Variants in TMEM132C observed in about 807,000 individuals in gnomAD.
TMEM132C encodes the protein transmembrane protein 132C, also known as protein phosphatase 1, regulatory subunit 152.
Under a neutral mutation model 61.4 loss-of-function variants are expected in TMEM132C, and 29 were observed. The observed-to-expected ratio is 0.47, with a 90% confidence interval of 0.35 to 0.64. TMEM132C has a LOEUF of 0.64. Among genes scored for constraint, TMEM132C ranks in the 30% least tolerant of loss-of-function variants. The pLI is 0.00. For synonymous variants in TMEM132C, 656 were observed against 633.1 expected, an observed-to-expected ratio of 1.04 and a Z score of -0.54; for missense variants, 1,408 against 1,476.9, an observed-to-expected ratio of 0.95 and a Z score of 0.76.
intron 2 of TMEM132C, among the ~76,000 whole-genome samples, chr12:128,515,689 G>T (rs944962129): frequency 3.9e-5 from 6 of 152,154 alleles, no homozygotes; most frequent in African/African-American, 1.4e-4. Flanking sequence ...AAAAAAATTA[G>T]CTGGGCATGG....
rs540468968 is a variant in TMEM132C at position 128,415,375 on chromosome 12, G to C, written c.729G>C (p.Gly243=). The change falls in exon 2 of 9, where the codon GGG becomes GGC. Residue 243 remains glycine, a synonymous_variant. Coordinates refer to ENST00000435159, the MANE Select transcript of TMEM132C (RefSeq NM_001136103.3). This position sits in a 1 kb window ranked among gnomAD's most constrained non-coding sequence, Gnocchi z 5.8. ...HPGNERGDCA[G]GDFRKGNAIR... is the part of the protein sequence containing the mutation. ...GAAACGAGCGAGGGGACTGTGCCGG[G>C]GGTGACTTCAGGAAGGGCAACGCCA... 4.7e-5 allele frequency: 73 copies of C among 1,554,640 alleles called. No individual in the cohort carries two copies. The highest frequency in any genetic ancestry group is 1.7e-4 in the Middle Eastern group (1 of 5,986).
At chr12:128,313,089 C>T (rs115537214) in intron 1 of TMEM132C, among the ~76,000 whole-genome samples, 50 of 152,334 alleles carry the variant, frequency 3.3e-4, no homozygotes, top group African/African-American at 1.2e-3. Context: ...CTCTGGCAGC[C>T]TCCGGCCTGC....
rs1872511803 is a variant in TMEM132C, at chr12:128,326,237, T to C, written c.85+58750T>C. On this transcript the variant is annotated intron_variant, in intron 1 of 8. Coordinates refer to ENST00000435159, the MANE Select transcript of TMEM132C (RefSeq NM_001136103.3). This position sits in a 1 kb window ranked among gnomAD's most constrained non-coding sequence, Gnocchi z 5.6. ...AGTAAGACAAAAATCTGTCTTGGTT[T>C]GAGCACCTCCATTCCTCCCCACCAC... is the stretch of plus-strand genomic sequence containing the variant. 6.6e-6 allele frequency among the ~76,000 whole-genome samples: 1 copy of C among 152,166 alleles called. No homozygotes were observed. The highest frequency in any genetic ancestry group is 6.5e-5 in the Admixed American group (1 of 15,270).
In TMEM132C at chr12:128,630,575, G is replaced by A. The variant is rs182894003; in HGVS notation, c.1305+14240G>A. On this transcript the variant is annotated intron_variant, in intron 4 of 8. Coordinates refer to ENST00000435159, the MANE Select transcript of TMEM132C (RefSeq NM_001136103.3). The surrounding 1 kb of genome is among the most constrained non-coding windows in gnomAD (Gnocchi z 4.3). Reference sequence around the variant, plus strand: ...TTGCAGTCTCATCTCTGCCAGACACGATGCTATCTGTGCAGTCAGCCTCTC... The same window carrying A: ...TTGCAGTCTCATCTCTGCCAGACACAATGCTATCTGTGCAGTCAGCCTCTC... 3.3e-5 allele frequency among the ~76,000 whole-genome samples: 5 copies of A among 152,218 alleles called. No homozygotes were observed. The highest frequency in any genetic ancestry group is 1.9e-4 in the East Asian group (1 of 5,162).
intron 1 of TMEM132C, among the ~76,000 whole-genome samples, chr12:128,347,438 T>C (rs914455321): frequency 6.9e-6 from 1 of 145,444 alleles, no homozygotes; most frequent in Non-Finnish European, 1.5e-5. Flanking sequence ...TCTCTCTCTC[T>C]CCTTCTTTCT....
chr12:128,304,776 A>T (rs535395799), intron 1 of TMEM132C, among the ~76,000 whole-genome samples: 2 of 152,304 alleles, frequency 1.3e-5, no homozygotes, highest in East Asian at 3.9e-4. Flanking sequence ...AACTGTGTCC[A>T]CTCAAAGAGC....
At chr12:128,448,944 T>G (rs1870085200) in intron 2 of TMEM132C, among the ~76,000 whole-genome samples, 1 of 151,900 alleles carries the variant, frequency 6.6e-6, no homozygotes. Context: ...GAGACCATCC[T>G]GGCTAACACG....
intron 5 of TMEM132C, among the ~76,000 whole-genome samples, chr12:128,672,820 A>G (rs1427413721): frequency 2.6e-5 from 4 of 152,184 alleles, no homozygotes; most frequent in Non-Finnish European, 4.4e-5. Context: ...CAGCAGGCCC[A>G]TGAGGTTTTG....
intron 1 of TMEM132C, among the ~76,000 whole-genome samples, chr12:128,351,165 A>G (rs933514757): frequency 6.6e-6 from 1 of 152,140 alleles, no homozygotes; most frequent in Non-Finnish European, 1.5e-5. Context: ...AGGACTTTAC[A>G]GTTTATTTGA....
chr12:128,573,648 A>G (rs1874983102), intron 3 of TMEM132C, among the ~76,000 whole-genome samples: 2 of 152,058 alleles, frequency 1.3e-5, no homozygotes, highest in Admixed American at 1.3e-4. Context: ...AGAAGCCATA[A>G]CAGTCCAATT....
At chr12:128,648,004 G>A (rs1232089183) in intron 4 of TMEM132C, among the ~76,000 whole-genome samples, 2 of 150,124 alleles carry the variant, frequency 1.3e-5, no homozygotes, top group African/African-American at 5.0e-5. Context: ...CGTTGGATGA[G>A]TGTGTTTACT....
At position 128,691,312 on chromosome 12, in the gene TMEM132C, C is replaced by T. The variant is rs374098241; in HGVS notation, c.1450-2517C>T. Among the ~76,000 whole-genome samples the T allele has an allele frequency of 1.1e-4, 16 of 152,368 alleles. No homozygotes were observed. The South Asian group carries it at 3.1e-3, about 30-fold the overall frequency. On this transcript the variant is annotated intron_variant, in intron 5 of 8. Transcript: ENST00000435159. ...CTTCTTGTGTTTTTGTAGCTTTTGG[C>T]TCCATGTCATCTCAGTCTCTCACTG...
Position 128,554,065 on chromosome 12 carries a change from T to C in TMEM132C, c.1121+9962T>C, listed in dbSNP as rs533504976. Among the ~76,000 whole-genome samples, 10 of 152,342 alleles carry C rather than the reference T, an allele frequency of 6.6e-5. No individual in the cohort carries two copies. In the East Asian group the frequency reaches 1.5e-3, roughly 23 times the overall value. On this transcript the variant is annotated intron_variant, in intron 3 of 8. Transcript: ENST00000435159. ...ACTTTCTGTCCACGTGATTCAACCTTACTCAAGGGATGCACGTTGCCTTTT... is the reference window on the plus strand; with the variant it reads ...ACTTTCTGTCCACGTGATTCAACCTCACTCAAGGGATGCACGTTGCCTTTT...
At chr12:128,573,395 T>C (rs565592442) in intron 3 of TMEM132C, among the ~76,000 whole-genome samples, 6 of 151,602 alleles carry the variant, frequency 4.0e-5, no homozygotes, top group African/African-American at 1.5e-4. Flanking sequence ...AGGTGGGAAT[T>C]GAACAATGAG....
At chr12:128,505,384 G>T (rs924506655) in intron 2 of TMEM132C, among the ~76,000 whole-genome samples, 1 of 152,154 alleles carries the variant, frequency 6.6e-6, no homozygotes, top group African/African-American at 2.4e-5. Flanking sequence ...GTCAGTGTGA[G>T]TTACTTGCTC....
chr12:128,687,592 C>G (rs1954687630), intron 5 of TMEM132C, among the ~76,000 whole-genome samples: 1 of 152,176 alleles, frequency 6.6e-6, no homozygotes. Context: ...CAGGTGTGCA[C>G]CTGGCATGTT....
chr12:128,691,282 A>T (rs1019307475), intron 5 of TMEM132C, among the ~76,000 whole-genome samples: 6 of 152,234 alleles, frequency 3.9e-5, no homozygotes, highest in African/African-American at 1.4e-4. Context: ...AAACTTTTGA[A>T]TTAACTTCTT....
At chr12:128,646,284 G>A (rs893086293) in intron 4 of TMEM132C, among the ~76,000 whole-genome samples, 1 of 152,078 alleles carries the variant, frequency 6.6e-6, no homozygotes, top group Non-Finnish European at 1.5e-5. Flanking sequence ...CTTTCAATAT[G>A]AGTGTGTTCA....
chr12:128,664,987 A>T lies in TMEM132C; in HGVS notation c.1306-4430A>T, dbSNP rs116715629. Reference sequence around the variant, plus strand: ...GGCACTCACACATACACACAGGCACATGCACCCATATGCACACAGGCACTC... The same window carrying T: ...GGCACTCACACATACACACAGGCACTTGCACCCATATGCACACAGGCACTC... On this transcript the variant is annotated intron_variant, in intron 4 of 8. Coordinates refer to ENST00000435159, the MANE Select transcript of TMEM132C (RefSeq NM_001136103.3). 4.3e-3 allele frequency among the ~76,000 whole-genome samples: 625 copies of T among 143,716 alleles called. 3 individuals are homozygous for T. Among genetic ancestry groups the T allele is most frequent in the African/African-American group, 0.017 (579 of 34,234 alleles). The allele number at this position is 143,716 out of a possible 152,430, so 94.3% of individuals were successfully genotyped here.
Sources: allele counts gnomAD v4.1 joint callset (sites outside exome capture counted in the v4.1 genomes callset), GRCh38; gene constraint gnomAD v4.1.1; non-coding constraint Gnocchi (gnomAD v3.1); transcripts MANE v1.5; gene names NCBI Gene and HGNC (gene_info 2026-07-23, HGNC 2026-07-21).